Variants in DYSF observed in about 807,000 individuals in gnomAD.
DYSF encodes the protein dystrophy-associated fer-1-like 1.
In DYSF, 212 loss-of-function variants were observed where a neutral mutation model predicts 274.9. The observed-to-expected ratio is 0.77, with a 90% CI of 0.69 to 0.86. The LOEUF (loss-of-function observed/expected upper bound fraction) is 0.86. Ranked by LOEUF, DYSF falls within the 40% of genes least tolerant of loss-of-function variation. The probability of loss-of-function intolerance (pLI) is 0.00; values close to 1 mark genes in which losing one functional copy is unlikely to be tolerated. For synonymous variants in DYSF, 1,091 were observed against 1,078.7 expected (o/e 1.01, Z -0.22); for missense variants, 2,666 against 2,783.2 (o/e 0.96, Z 0.95).
chr2:71,618,305 G>GGC (rs2093972957), intron 40 of DYSF, among the ~76,000 whole-genome samples: 2 of 53,308 alleles, frequency 3.8e-5, no homozygotes, highest in East Asian at 6.3e-4. Context: ...TGGTAGAGGT[G>GGC]GTGTGTGTGT....
chr2:71,619,914 G>A (rs1172920526), intron 40 of DYSF, among the ~76,000 whole-genome samples: 1 of 152,186 alleles, frequency 6.6e-6, no homozygotes, highest in Admixed American at 6.5e-5. Context: ...TTGATTCACA[G>A]TACTGGGAGA....
At chr2:71,520,728 A>G (rs1377366589) in intron 11 of DYSF, 61 bp from the exon 12 acceptor site, 3 of 1,485,994 alleles carry the variant, frequency 2.0e-6, no homozygotes, top group Admixed American at 3.3e-5. Flanking sequence ...GGGTTCCCGG[A>G]TGTGGCCACA....
intron 27 of DYSF, 26 bp from the exon 28 acceptor site, chr2:71,570,203 G>C: frequency 6.2e-7 from 1 of 1,600,232 alleles, no homozygotes; most frequent in Non-Finnish European, 8.6e-7. Context: ...TCCTCTCATT[G>C]CTTGCCTGTT....
intron 17 of DYSF, among the ~76,000 whole-genome samples, chr2:71,550,285 AATG>A (rs1389485309): frequency 6.6e-6 from 1 of 152,218 alleles, no homozygotes. Context: ...TGAGCTGGAA[AATG>A]ATGTTAGTAA....
At chr2:71,572,232 T>TGCACAGATCACAGCCA (rs70959302) in intron 29 of DYSF, among the ~76,000 whole-genome samples, 1 of 129,370 alleles carries the variant, frequency 7.7e-6, no homozygotes, top group Admixed American at 7.5e-5. Context: ...ACCCAGCACA[T>TGCACAGATCACAGCCA]GCACAGATCA....
chr2:71,656,334 G>T (rs370152250), intron 43 of DYSF, 44 bp downstream of exon 43: 779 of 1,611,570 alleles, frequency 4.8e-4, no homozygotes, highest in Non-Finnish European at 6.3e-4. Context: ...GCCTAAGACT[G>T]TGGTGTTGGA....
intron 22 of DYSF, among the ~76,000 whole-genome samples, chr2:71,560,765 A>G (rs918442803): frequency 2.0e-5 from 3 of 152,076 alleles, no homozygotes; most frequent in African/African-American, 7.2e-5. Flanking sequence ...CGGGAGTCAG[A>G]CGCTGCAGGG....
chr2:71,556,131 C>A, intron 22 of DYSF, 60 bp downstream of exon 22: 2 of 1,399,280 alleles, frequency 1.4e-6, no homozygotes, highest in Non-Finnish European at 2.0e-6. Flanking sequence ...GCCTGTTTCG[C>A]TGGGAGTGCT....
At chr2:71,540,896 T>C (rs548350687) in intron 17 of DYSF, among the ~76,000 whole-genome samples, 2 of 152,304 alleles carry the variant, frequency 1.3e-5, no homozygotes, top group South Asian at 2.1e-4. Context: ...AAAATTTTTA[T>C]GTAGCCAAAT....
At chr2:71,618,371 GC>G (rs2093979975) in intron 40 of DYSF, among the ~76,000 whole-genome samples, 1 of 13,122 alleles carries the variant, frequency 7.6e-5, no homozygotes. Flanking sequence ...GGTAGAGGTG[GC>G]ATGTGTGGTA....
intron 44 of DYSF, 61 bp from the exon 45 acceptor site, chr2:71,660,499 T>G: frequency 2.1e-6 from 3 of 1,433,344 alleles, no homozygotes; most frequent in South Asian, 1.1e-5. Context: ...AAGGCACTCA[T>G]GAAGCCTCAA....
At chr2:71,526,135 T>A in intron 12 of DYSF, 85 bp from the exon 13 acceptor site, 3 of 1,611,978 alleles carry the variant, frequency 1.9e-6, no homozygotes, top group Non-Finnish European at 2.5e-6. Flanking sequence ...AGCATTTATG[T>A]GGCGAAGCTG....
chr2:71,538,095 C>A lies in DYSF; in HGVS notation c.1494-1062C>A, dbSNP rs77695847. ...TATCTGGCCTCAAATCCCAGCTTTGCCATCTTGGCAAATTATTTAACCTTC... is the reference window on the plus strand; with the variant it reads ...TATCTGGCCTCAAATCCCAGCTTTGACATCTTGGCAAATTATTTAACCTTC... On this transcript the variant is annotated intron_variant, in intron 16 of 55. Transcript: ENST00000410020. 9.4e-3 allele frequency among the ~76,000 whole-genome samples: 1,437 copies of A among 152,334 alleles called. 26 individuals carry two copies. The highest frequency in any genetic ancestry group is 0.033 in the African/African-American group (1,366 of 41,566).
At chr2:71,454,792 A>G (rs1401229427) in intron 1 of DYSF, among the ~76,000 whole-genome samples, 1 of 152,062 alleles carries the variant, frequency 6.6e-6, no homozygotes, top group African/African-American at 2.4e-5. Flanking sequence ...GGGACCTCCT[A>G]TAGGAGGGCC....
intron 4 of DYSF, among the ~76,000 whole-genome samples, chr2:71,509,846 A>C (rs745622172): frequency 1.3e-4 from 19 of 151,402 alleles, no homozygotes; most frequent in Non-Finnish European, 2.4e-4. Flanking sequence ...GGTGTGATCG[A>C]CTCATTGCGA....
intron 33 of DYSF, among the ~76,000 whole-genome samples, chr2:71,600,083 G>A (rs1207253325): frequency 6.6e-6 from 1 of 152,218 alleles, no homozygotes; most frequent in Non-Finnish European, 1.5e-5. Context: ...AGAACAGGGC[G>A]GGAGGGCAGC....
intron 42 of DYSF, among the ~76,000 whole-genome samples, chr2:71,655,496 A>G (rs2094751347): frequency 6.6e-6 from 1 of 152,246 alleles, no homozygotes; most frequent in African/African-American, 2.4e-5. Flanking sequence ...ATAATAAAAA[A>G]CAGCTTGCTG....
chr2:71,615,548 G>C lies in DYSF; in HGVS notation c.4464+2138G>C, dbSNP rs2093862390. ...GCCCTCTGGGGAAGCCCCTTTTCTG[G>C]TATCTGACTTTGTTCCATGTTTTTC... is the stretch of plus-strand genomic sequence containing the variant. On this transcript the variant is annotated intron_variant, in intron 40 of 55. Coordinates refer to ENST00000410020, the MANE Select transcript of DYSF (RefSeq NM_001130987.2). This position sits in a 1 kb window ranked among gnomAD's most constrained non-coding sequence, Gnocchi z 4.9. Among the ~76,000 whole-genome samples the C allele has an allele frequency of 6.6e-6, 1 of 152,120 alleles. No homozygotes were observed. The highest frequency in any genetic ancestry group is 2.4e-5 in the African/African-American group (1 of 41,416).
At chr2:71,553,608 G>T (rs2091115587) in intron 20 of DYSF, among the ~76,000 whole-genome samples, 199 bp from the exon 21 acceptor site, 1 of 152,188 alleles carries the variant, frequency 6.6e-6, no homozygotes, top group Non-Finnish European at 1.5e-5. Flanking sequence ...AGGGAACACG[G>T]GTACGGGCCA....
Sources: gnomAD v4.1 joint callset for allele counts (sites outside exome capture counted in the v4.1 genomes callset) on GRCh38, gnomAD v4.1.1 for gene constraint, Gnocchi (gnomAD v3.1) non-coding constraint, MANE v1.5 for transcripts, NCBI Gene and HGNC (gene_info 2026-07-23, HGNC 2026-07-21) for gene names.